The following MYRIP variants were observed in gnomAD, a reference collection of about 807,000 sequenced individuals.
MYRIP encodes myosin VIIA and Rab interacting protein, also known as rab effector MyRIP.
MYRIP carries 49 observed loss-of-function variants against 98.0 expected under a neutral mutation model. The ratio of observed to expected loss-of-function variants is 0.50; its 90% confidence interval spans 0.40 to 0.63. MYRIP has a LOEUF of 0.63. MYRIP is among the 30% of genes least tolerant of loss of function. MYRIP has a pLI of 0.00. For synonymous variants in MYRIP, 404 were observed against 409.5 expected, an observed-to-expected ratio of 0.99 and a Z score of 0.16; for missense variants, 1,004 against 1,058.2, an observed-to-expected ratio of 0.95 and a Z score of 0.71.
chr3:39,964,117 A>T (rs994589727), intron 2 of MYRIP, among the ~76,000 whole-genome samples: 1 of 152,040 alleles, frequency 6.6e-6, no homozygotes, highest in Non-Finnish European at 1.5e-5. Flanking sequence ...ATGTCACCTG[A>T]TGCATTTAAA....
chr3:39,837,598 A>G (rs1279822857), intron 1 of MYRIP, among the ~76,000 whole-genome samples: 1 of 152,182 alleles, frequency 6.6e-6, no homozygotes, highest in African/African-American at 2.4e-5. Flanking sequence ...TACCAGTACC[A>G]TGCTGTTTTG....
intron 2 of MYRIP, among the ~76,000 whole-genome samples, chr3:39,901,523 A>C (rs1410174415): frequency 1.3e-5 from 2 of 152,180 alleles, no homozygotes; most frequent in African/African-American, 4.8e-5. Flanking sequence ...ATGGCAGGTC[A>C]GTTCCAACTA....
chr3:40,136,208 A>G (rs1305866880), intron 3 of MYRIP, among the ~76,000 whole-genome samples: 1 of 152,242 alleles, frequency 6.6e-6, no homozygotes, highest in Non-Finnish European at 1.5e-5. Flanking sequence ...GCAAATGGAA[A>G]ACAAAAAAAG....
chr3:39,998,851 C>T lies in MYRIP; in HGVS notation c.111-45199C>T, dbSNP rs529337758. Among the ~76,000 whole-genome samples the T allele has an allele frequency of 2.6e-5, 4 of 152,258 alleles. No individual in the cohort carries two copies. The South Asian group carries it at 6.2e-4, about 24-fold the overall frequency. ...AGAGATATAGACCAATGGAACACAACGGAGTCCTCAGAAATAACGCCGCAT... is the reference window on the plus strand; with the variant it reads ...AGAGATATAGACCAATGGAACACAATGGAGTCCTCAGAAATAACGCCGCAT... On this transcript the variant is annotated intron_variant, in intron 2 of 16. Transcript: ENST00000302541.
chr3:40,249,350 G>A, intron 13 of MYRIP, among the ~76,000 whole-genome samples: 1 of 152,138 alleles, frequency 6.6e-6, no homozygotes, highest in East Asian at 1.9e-4. Flanking sequence ...TCAGACTGTG[G>A]CAATGTGACG....
chr3:40,115,881 C>T (rs1040517509), intron 3 of MYRIP, among the ~76,000 whole-genome samples: 3 of 151,804 alleles, frequency 2.0e-5, no homozygotes, highest in African/African-American at 7.3e-5. Flanking sequence ...AGTGGGCTTC[C>T]GTAAGAGATC....
intron 3 of MYRIP, among the ~76,000 whole-genome samples, chr3:40,089,093 C>G (rs1486785324): frequency 6.6e-6 from 1 of 152,052 alleles, no homozygotes; most frequent in Non-Finnish European, 1.5e-5. Flanking sequence ...TAGCAGCTTA[C>G]AGGGCGGATG....
At chr3:40,107,693 A>G (rs1949075672) in intron 3 of MYRIP, among the ~76,000 whole-genome samples, 1 of 152,234 alleles carries the variant, frequency 6.6e-6, no homozygotes, top group African/African-American at 2.4e-5. Flanking sequence ...GAAAGCATCA[A>G]GGCCAGTAGA....
intron 4 of MYRIP, among the ~76,000 whole-genome samples, chr3:40,152,954 C>CAAA (rs3063626): frequency 6.8e-6 from 1 of 147,380 alleles, no homozygotes; most frequent in African/African-American, 2.5e-5. Flanking sequence ...CTGTCTCTAC[C>CAAA]AAAAAAAAAA....
intron 3 of MYRIP, among the ~76,000 whole-genome samples, chr3:40,070,268 T>C (rs1948197833): frequency 6.6e-6 from 1 of 152,170 alleles, no homozygotes; most frequent in Non-Finnish European, 1.5e-5. Flanking sequence ...GAAACATTAA[T>C]GTGGGGGACT....
Position 40,086,975 on chromosome 3 carries a change from C to T in MYRIP, c.332+42704C>T, listed in dbSNP as rs9837674. 7.1e-3 allele frequency among the ~76,000 whole-genome samples: 1,074 copies of T among 152,134 alleles called. 17 individuals carry two copies. Among genetic ancestry groups the T allele is most frequent in the African/African-American group, 0.024 (1,015 of 41,506 alleles). On this transcript the variant is annotated intron_variant, in intron 3 of 16. Coordinates refer to ENST00000302541, the MANE Select transcript of MYRIP (RefSeq NM_015460.4). Reference sequence around the variant, plus strand: ...CCAGCGCCATGCCCTATGACCAGGACAATGCTGGGGGTGATTGGGGAATTC... The same window carrying T: ...CCAGCGCCATGCCCTATGACCAGGATAATGCTGGGGGTGATTGGGGAATTC...
At position 40,062,149 on chromosome 3, in the gene MYRIP, A is replaced by G. The variant is rs945030019; in HGVS notation, c.332+17878A>G. Among the ~76,000 whole-genome samples the G allele has an allele frequency of 3.3e-5, 5 of 152,168 alleles. No individual in the cohort carries two copies. The East Asian group carries it at 5.8e-4, about 18-fold the overall frequency. Reference sequence around the variant, plus strand: ...CTTTTGTTGCAATTTCTTTTGGTGTATTTGTCATGAAATGTTTGCCTGTTC... The same window carrying G: ...CTTTTGTTGCAATTTCTTTTGGTGTGTTTGTCATGAAATGTTTGCCTGTTC... On this transcript the variant is annotated intron_variant, in intron 3 of 16. Transcript: ENST00000302541.
intron 2 of MYRIP, among the ~76,000 whole-genome samples, chr3:40,024,246 C>T (rs963375646): frequency 3.3e-5 from 5 of 152,156 alleles, no homozygotes; most frequent in Admixed American, 6.5e-5. Context: ...CCTGGTCTGT[C>T]GTATGCACTG....
chr3:39,909,041 C>T (rs960579119), intron 2 of MYRIP, among the ~76,000 whole-genome samples: 4 of 152,156 alleles, frequency 2.6e-5, no homozygotes, highest in African/African-American at 9.7e-5. Flanking sequence ...TAGATCAGGT[C>T]ACCTGGCAGT....
Position 40,258,774 on chromosome 3 carries a change from T to C in MYRIP, c.*608T>C, listed in dbSNP as rs1953683707. On this transcript the variant is annotated 3_prime_UTR_variant, in exon 17 of 17. Transcript: ENST00000302541. ...CTGCTAAAAGCTTAGCCTACCACAC[T>C]ACCAGTCATTCCCATCGCTTTGCAA... The C allele has an allele frequency of 6.5e-6, 1 of 152,700 alleles. No individual in the cohort carries two copies. Among genetic ancestry groups the C allele is most frequent in the Non-Finnish European group, 1.5e-5 (1 of 68,396 alleles). 9.5% of individuals were successfully genotyped at this position (152,700 alleles called of 1,614,324 possible).
intron 13 of MYRIP, among the ~76,000 whole-genome samples, chr3:40,249,427 C>T (rs1424596299): frequency 6.6e-6 from 1 of 152,218 alleles, no homozygotes; most frequent in Non-Finnish European, 1.5e-5. Flanking sequence ...GGGTGTATCA[C>T]TTGTCCCTTT....
chr3:40,218,347 C>T (rs1168270337), intron 11 of MYRIP, among the ~76,000 whole-genome samples: 1 of 151,808 alleles, frequency 6.6e-6, no homozygotes, highest in Non-Finnish European at 1.5e-5. Context: ...ACATGACATT[C>T]TGGAGAAGGC....
chr3:39,976,051 G>A (rs1945742153), intron 2 of MYRIP, among the ~76,000 whole-genome samples: 1 of 152,146 alleles, frequency 6.6e-6, no homozygotes. Context: ...TGACAAATGG[G>A]TTCTAATTAA....
chr3:39,929,537 C>A (rs1012540236), intron 2 of MYRIP, among the ~76,000 whole-genome samples: 2 of 152,018 alleles, frequency 1.3e-5, no homozygotes, highest in African/African-American at 4.8e-5. Context: ...ATACATAAAT[C>A]AATGGAACAT....
Sources: allele counts gnomAD v4.1 joint callset (sites outside exome capture counted in the v4.1 genomes callset), GRCh38; gene constraint gnomAD v4.1.1; transcripts MANE v1.5; gene names NCBI Gene and HGNC (gene_info 2026-07-23, HGNC 2026-07-21).